PRXL2A: variants seen among roughly 807,000 people sequenced by gnomAD.
PRXL2A encodes the protein peroxiredoxin like 2A.
PRXL2A carries 26 observed loss-of-function variants against 25.6 expected under a neutral mutation model. That is an observed-to-expected ratio of 1.02 (90% confidence interval 0.74 to 1.41). PRXL2A has a LOEUF of 1.41. Among genes scored for constraint, PRXL2A ranks in the 40% most tolerant of loss-of-function variants. PRXL2A has a pLI of 0.00. For synonymous variants in PRXL2A, 98 were observed against 102.9 expected, an observed-to-expected ratio of 0.95 and a Z score of 0.29; for missense variants, 246 against 273.9, an observed-to-expected ratio of 0.90 and a Z score of 0.72.
At chr10:80,418,022 T>C (rs1354871896) in intron 1 of PRXL2A, among the ~76,000 whole-genome samples, 5 of 151,888 alleles carry the variant, frequency 3.3e-5, no homozygotes, top group African/African-American at 4.8e-5. Context: ...TTCTCTCTTA[T>C]TCCTTTTTTT....
chr10:80,424,984 T>G (rs1049447267), intron 3 of PRXL2A, among the ~76,000 whole-genome samples: 1 of 152,266 alleles, frequency 6.6e-6, no homozygotes, highest in Admixed American at 6.5e-5. Context: ...TTGATAAATG[T>G]ATTGTAATCA....
chr10:80,413,853 G>A (rs1264286684), intron 1 of PRXL2A: 12 of 1,214,610 alleles, frequency 9.9e-6, no homozygotes, highest in Non-Finnish European at 1.2e-5. Flanking sequence ...GTCAAGAGAA[G>A]CAGAGGTGTG....
In PRXL2A at chr10:80,434,191, T is replaced by C. The variant is rs1411251659; in HGVS notation, c.*2092T>C. On this transcript the variant is annotated 3_prime_UTR_variant, in exon 6 of 6. Coordinates refer to ENST00000606162, the MANE Select transcript of PRXL2A (RefSeq NM_032333.5). Reference sequence around the variant, plus strand: ...TGGAGATGCATCAAGAGAAACATGTTTGGTTTTTTGTGAGCTCTCACCAAC... The same window carrying C: ...TGGAGATGCATCAAGAGAAACATGTCTGGTTTTTTGTGAGCTCTCACCAAC... 1 of 152,108 alleles carries C rather than the reference T, an allele frequency of 6.6e-6. No individual in the cohort carries two copies. Among genetic ancestry groups the C allele is most frequent in the Non-Finnish European group, 1.5e-5 (1 of 68,012 alleles). The allele number at this position is 152,108 out of a possible 1,614,324, so 9.4% of individuals were successfully genotyped here.
chr10:80,422,796 A>G (rs148237394), intron 3 of PRXL2A, among the ~76,000 whole-genome samples: 1 of 151,974 alleles, frequency 6.6e-6, no homozygotes, highest in African/African-American at 2.4e-5. Context: ...CAATTTAATC[A>G]GGGGCAGTGA....
chr10:80,423,998 C>A lies in PRXL2A; in HGVS notation c.270+1490C>A, dbSNP rs560037031. ...AGGTCAGCAATGGCTGGCAAGTCAG[C>A]AACAGCATGGAAGCCTGTTTTGACT... On this transcript the variant is annotated intron_variant, in intron 3 of 5. Transcript: ENST00000606162. 9.2e-5 allele frequency among the ~76,000 whole-genome samples: 14 copies of A among 152,226 alleles called. No individual in the cohort carries two copies. The East Asian group carries it at 2.7e-3, about 29-fold the overall frequency.
chr10:80,426,108 G>C (rs1369485621), intron 4 of PRXL2A, 102 bp downstream of exon 4: 3 of 1,455,332 alleles, frequency 2.1e-6, no homozygotes, highest in Non-Finnish European at 2.8e-6. Context: ...GCTGGAGGCT[G>C]GCCTTCCCTT....
Position 80,429,633 on chromosome 10 carries a change from GCCCTGCCCCTAGCCTCTCCTGCCCTT to G in PRXL2A, c.576+2163_576+2188del, listed in dbSNP as rs879455490. Among the ~76,000 whole-genome samples the G allele has an allele frequency of 8.0e-3, 1,028 of 127,878 alleles. 9 individuals carry two copies. Among genetic ancestry groups the G allele is most frequent in the Non-Finnish European group, 0.013 (804 of 61,548 alleles). 83.9% of individuals were successfully genotyped at this position (127,878 alleles called of 152,430 possible). On this transcript the variant is annotated intron_variant, in intron 5 of 5. Coordinates refer to ENST00000606162, the MANE Select transcript of PRXL2A (RefSeq NM_032333.5). ...CCCTGCCCCTAGCCTCTCCTGCCCT[GCCCTGCCCCTAGCCTCTCCTGCCCTT>G]CCCTGCCCCTAGCCTCTCCTGCCCT...
chr10:80,413,905 G>C (rs768855434), intron 1 of PRXL2A: 4 of 1,220,240 alleles, frequency 3.3e-6, no homozygotes, highest in Non-Finnish European at 4.2e-6. Context: ...AGTTTGAAGC[G>C]TCTGAGGTTG....
intron 1 of PRXL2A, chr10:80,420,127 TAGCTCGGCAC>T: frequency 1.0e-6 from 1 of 1,001,064 alleles, no homozygotes; most frequent in Non-Finnish European, 1.2e-6. Flanking sequence ...ACAGGGGACA[TAGCTCGGCAC>T]AGCTCCACAG....
At chr10:80,419,804 A>G (rs1253714636) in intron 1 of PRXL2A, among the ~76,000 whole-genome samples, 1 of 152,148 alleles carries the variant, frequency 6.6e-6, no homozygotes, top group East Asian at 1.9e-4. Flanking sequence ...TACTATAAGC[A>G]TATTTTGTTT....
At chr10:80,417,976 A>G (rs7090612) in intron 1 of PRXL2A, among the ~76,000 whole-genome samples, 4,969 of 151,194 alleles carry the variant, frequency 0.033, 93 homozygotes, top group African/African-American at 0.045. Context: ...CCAAAATGCT[A>G]GGATTACAGG....
chr10:80,425,979 C>G lies in PRXL2A; in HGVS notation c.384C>G (p.Phe128Leu), dbSNP rs757650152. 7 of 1,614,212 alleles carry G rather than the reference C, an allele frequency of 4.3e-6. No homozygotes were observed. In the East Asian group the frequency reaches 1.1e-4, roughly 26 times the overall value. Reference protein sequence around the residue: ...RTEVKDFQPYFKGEIFLDEKK... With the variant: ...RTEVKDFQPYLKGEIFLDEKK... ...AAGTGAAGGATTTCCAGCCTTATTTCAAAGGAGAAATCTTCCTGGATGAAA... is the reference window on the plus strand; with the variant it reads ...AAGTGAAGGATTTCCAGCCTTATTTGAAAGGAGAAATCTTCCTGGATGAAA... The change falls in exon 4 of 6, where the codon TTC becomes TTG. Residue 128 changes from phenylalanine (F) to leucine (L), a missense_variant. Coordinates refer to ENST00000606162, the MANE Select transcript of PRXL2A (RefSeq NM_032333.5).
In PRXL2A at chr10:80,420,535, G is replaced by A. The variant is rs928091969; in HGVS notation, c.68G>A (p.Gly23Glu). The change falls in exon 2 of 6, where the codon GGG (glycine) becomes GAG (glutamate). Residue 23 changes from glycine to glutamate, a missense_variant. Transcript: ENST00000606162. ...TGGTCCATTGGTGCAGGAGCCCTGG[G>A]GGCTGCTGCCTTGGCATTGCTGCTT... ...GMWSIGAGAL[G>E]AAALALLLAN... 3 of 1,613,766 alleles carry A rather than the reference G, an allele frequency of 1.9e-6. No homozygotes were observed. The highest frequency in any genetic ancestry group is 1.7e-6 in the Non-Finnish European group (2 of 1,179,912).
At chr10:80,423,790 T>G (rs572895776) in intron 3 of PRXL2A, among the ~76,000 whole-genome samples, 14 of 152,370 alleles carry the variant, frequency 9.2e-5, no homozygotes, top group African/African-American at 3.4e-4. Flanking sequence ...TGTAACAAAT[T>G]ACCTCAAACT....
intron 2 of PRXL2A, 26 bp from the exon 3 acceptor site, chr10:80,422,391 T>C (rs573121586): frequency 8.8e-6 from 14 of 1,582,394 alleles, no homozygotes; most frequent in East Asian, 2.2e-5. Context: ...GGAGGAGATA[T>C]CGAATTTCTT....
At chr10:80,411,819 C>T (rs759760687) in intron 1 of PRXL2A, among the ~76,000 whole-genome samples, 1 of 152,184 alleles carries the variant, frequency 6.6e-6, no homozygotes, top group Non-Finnish European at 1.5e-5. Context: ...TGCTTCTCCC[C>T]TATCTCTGCC....
chr10:80,418,135 T>C (rs1368596485), intron 1 of PRXL2A, among the ~76,000 whole-genome samples: 1 of 151,956 alleles, frequency 6.6e-6, no homozygotes, highest in Non-Finnish European at 1.5e-5. Context: ...CGTTATCCAA[T>C]AGTGACCCTT....
rs187660126 is a variant in PRXL2A at position 80,435,948 on chromosome 10, A to C, written c.*3849A>C. 4 of 152,196 alleles carry C rather than the reference A, an allele frequency of 2.6e-5. No homozygotes were observed. Among genetic ancestry groups the C allele is most frequent in the Non-Finnish European group, 4.4e-5 (3 of 68,042 alleles). The allele number at this position is 152,196 out of a possible 1,614,324, so 9.4% of individuals were successfully genotyped here. Reference sequence around the variant, plus strand: ...TTTATTTGATAAACTGAGAATCCACATGCAAAGAAATGCAAGAAAATTCAA... The same window carrying C: ...TTTATTTGATAAACTGAGAATCCACCTGCAAAGAAATGCAAGAAAATTCAA... On this transcript the variant is annotated 3_prime_UTR_variant, in exon 6 of 6. Transcript: ENST00000606162.
chr10:80,437,095 G>A lies in PRXL2A; in HGVS notation c.*4996G>A, dbSNP rs1845422441. On this transcript the variant is annotated 3_prime_UTR_variant, in exon 6 of 6. Transcript: ENST00000606162. ...CATACAATTATGATCAAATAAATTT[G>A]TTTGCTTTTTCTCCTGTTAATTTGC... The A allele has an allele frequency of 2.0e-5, 3 of 152,186 alleles. No homozygotes were observed. Among genetic ancestry groups the A allele is most frequent in the Non-Finnish European group, 4.4e-5 (3 of 68,022 alleles). 9.4% of individuals were successfully genotyped at this position (152,186 alleles called of 1,614,324 possible).
Sources: allele counts gnomAD v4.1 joint callset (sites outside exome capture counted in the v4.1 genomes callset), GRCh38; gene constraint gnomAD v4.1.1; transcripts MANE v1.5; gene names NCBI Gene and HGNC (gene_info 2026-07-23, HGNC 2026-07-21).